Variants in PKHD1L1 observed in about 807,000 individuals in gnomAD.
PKHD1L1 encodes the protein fibrocystin-L.
In PKHD1L1, 434 loss-of-function variants were observed where a neutral mutation model predicts 462.9. That is an observed-to-expected ratio of 0.94 (90% CI 0.87 to 1.02). PKHD1L1 has a LOEUF of 1.02. Among genes scored for constraint, PKHD1L1 ranks in the 50% least tolerant of loss-of-function variants. PKHD1L1 has a pLI of 0.00. For synonymous variants in PKHD1L1, 1,781 were observed against 1,750.0 expected (o/e 1.02, Z -0.44); for missense variants, 5,202 against 5,096.1 (o/e 1.02, Z -0.63).
At chr8:109,399,600 T>C (rs1283349290) in intron 12 of PKHD1L1, among the ~76,000 whole-genome samples, 5 of 151,962 alleles carry the variant, frequency 3.3e-5, no homozygotes, top group Non-Finnish European at 7.4e-5. Flanking sequence ...TTGAGAGAAA[T>C]CTGAAAGCCA....
chr8:109,482,938 A>C, intron 56 of PKHD1L1, 49 bp from the exon 57 acceptor site: 1 of 1,129,794 alleles, frequency 8.9e-7, no homozygotes, highest in Non-Finnish European at 1.2e-6. Context: ...ACTAGCACCT[A>C]ACTCAGTACT....
Position 109,492,012 on chromosome 8 carries a change from A to G in PKHD1L1, c.10236+18A>G, listed in dbSNP as rs1373679241. ...CAATTGAGGTAGTGAAAACAAACTTATAATTATACTAATTTATAATTATAT... is the reference window on the plus strand; with the variant it reads ...CAATTGAGGTAGTGAAAACAAACTTGTAATTATACTAATTTATAATTATAT... On this transcript the variant is annotated intron_variant, in intron 62 of 77. Coordinates refer to ENST00000378402, the MANE Select transcript of PKHD1L1 (RefSeq NM_177531.6). 2 of 1,466,752 alleles carry G rather than the reference A, an allele frequency of 1.4e-6. No homozygotes were observed. Among genetic ancestry groups the G allele is most frequent in the South Asian group, 1.4e-5 (1 of 73,132 alleles). 90.9% of individuals were successfully genotyped at this position (1,466,752 alleles called of 1,614,324 possible). A position where few individuals can be genotyped will look rare whatever the true frequency, so the allele number is the denominator to read the frequency against.
rs114095253 is a variant in PKHD1L1 at position 109,508,035 on chromosome 8, T to A, written c.11228-62T>A. 1.7e-3 allele frequency: 2,531 copies of A among 1,512,868 alleles called. 47 individuals carry two copies. The African/African-American group carries it at 0.032, about 19-fold the overall frequency. The allele number at this position is 1,512,868 out of a possible 1,614,324, so 93.7% of individuals were successfully genotyped here. On this transcript the variant is annotated intron_variant, in intron 69 of 77. Transcript: ENST00000378402. The stretch of plus-strand genomic sequence containing the variant: ...CTAGCATAACAAGAAATAGATGTTA[T>A]AAGGATTTTTTTGCAAAGAGATTCT...
At chr8:109,511,364 T>G (rs1471506589) in intron 71 of PKHD1L1, among the ~76,000 whole-genome samples, 3 of 104,828 alleles carry the variant, frequency 2.9e-5, no homozygotes, top group African/African-American at 3.8e-5. Context: ...CCCACAACAG[T>G]CCCCAGAGTG....
chr8:109,498,851 G>T, intron 67 of PKHD1L1, 80 bp downstream of exon 67: 1 of 1,222,176 alleles, frequency 8.2e-7, no homozygotes. Context: ...ATGTTTCATT[G>T]TTAGTAAAAA....
At chr8:109,490,236 G>A (rs1428086539) in intron 60 of PKHD1L1, among the ~76,000 whole-genome samples, 181 bp downstream of exon 60, 1 of 151,616 alleles carries the variant, frequency 6.6e-6, no homozygotes, top group African/African-American at 2.4e-5. Context: ...CCCATATTGT[G>A]CGTTTATTTA....
Position 109,396,144 on chromosome 8 carries a change from C to T in PKHD1L1, c.922+7C>T. ...GTCAGAGTTCTAGTTGGAGGTATTT[C>T]TCATGGTTTTTGATATATTACTTTA... On this transcript the variant is annotated splice_region_variant and intron_variant, in intron 11 of 77. Coordinates refer to ENST00000378402, the MANE Select transcript of PKHD1L1 (RefSeq NM_177531.6). The T allele has an allele frequency of 6.3e-7, 1 of 1,589,152 alleles. No individual in the cohort carries two copies. Among genetic ancestry groups the T allele is most frequent in the Non-Finnish European group, 8.6e-7 (1 of 1,164,170 alleles).
intron 2 of PKHD1L1, among the ~76,000 whole-genome samples, chr8:109,368,591 G>T (rs1270405354): frequency 1.3e-5 from 2 of 152,086 alleles, no homozygotes; most frequent in Non-Finnish European, 2.9e-5. Flanking sequence ...CATCCATCAC[G>T]CTGTATCTTT....
chr8:109,416,518 G>A (rs923638763), intron 21 of PKHD1L1, among the ~76,000 whole-genome samples: 1 of 152,128 alleles, frequency 6.6e-6, no homozygotes, highest in Non-Finnish European at 1.5e-5. Context: ...TATTAGTATT[G>A]AAAAACATGT....
chr8:109,411,405 T>C (rs1813850172), intron 19 of PKHD1L1, among the ~76,000 whole-genome samples: 1 of 152,240 alleles, frequency 6.6e-6, no homozygotes, highest in South Asian at 2.1e-4. Context: ...TCTCTCATGA[T>C]ACTTTTCATG....
At chr8:109,430,265 T>A (rs935071926) in intron 27 of PKHD1L1, among the ~76,000 whole-genome samples, 21 of 152,220 alleles carry the variant, frequency 1.4e-4, no homozygotes, top group Non-Finnish European at 2.6e-4. Flanking sequence ...AAATCTTGCC[T>A]TTGAAGTAGA....
intron 23 of PKHD1L1, among the ~76,000 whole-genome samples, chr8:109,421,059 T>G (rs748459767): frequency 8.5e-5 from 13 of 152,068 alleles, no homozygotes; most frequent in Non-Finnish European, 1.6e-4. Flanking sequence ...ACACCATTTA[T>G]TTTTGCTTGT....
intron 21 of PKHD1L1, 102 bp downstream of exon 21, chr8:109,413,647 G>A (rs1813978164): frequency 1.1e-6 from 1 of 938,316 alleles, no homozygotes; most frequent in African/African-American, 1.7e-5. Flanking sequence ...TGGTCTGTTT[G>A]GGGAGATGAG....
chr8:109,365,037 G>A (rs1435090197), intron 2 of PKHD1L1, among the ~76,000 whole-genome samples: 1 of 152,198 alleles, frequency 6.6e-6, no homozygotes, highest in African/African-American at 2.4e-5. Flanking sequence ...ATATGTTAAT[G>A]AAAGAGGAAA....
In PKHD1L1 at chr8:109,385,570, C is replaced by G; in HGVS notation, c.509C>G (p.Thr170Ser). Residue 170 changes from threonine to serine, a missense_variant, in exon 6 of 78, where the codon ACT (threonine) becomes AGT (serine). Thr to Ser is a moderately conservative substitution (Grantham distance 58). Coordinates refer to ENST00000378402, the MANE Select transcript of PKHD1L1 (RefSeq NM_177531.6). ...TLITIQGRIF[T>S]DVYGSNIALS... The stretch of plus-strand genomic sequence containing the variant: ...ATAACAATCCAAGGCAGAATCTTCA[C>G]TGATGTCTATGGAAGTAATATTGCA... 2.5e-6 allele frequency: 4 copies of G among 1,605,786 alleles called. No homozygotes were observed. Among genetic ancestry groups the G allele is most frequent in the Middle Eastern group, 1.7e-4 (1 of 6,028 alleles).
chr8:109,455,725 A>G (rs1271673215), intron 45 of PKHD1L1, among the ~76,000 whole-genome samples: 5 of 152,196 alleles, frequency 3.3e-5, no homozygotes, highest in Non-Finnish European at 5.9e-5. Context: ...CTATTTAAAG[A>G]AAGCATGGTG....
chr8:109,482,433 A>C (rs1465863355), intron 56 of PKHD1L1, among the ~76,000 whole-genome samples: 1 of 151,784 alleles, frequency 6.6e-6, no homozygotes, highest in Non-Finnish European at 1.5e-5. Flanking sequence ...TTTTAAGGAC[A>C]CTAGAATTAG....
At chr8:109,398,298 G>T (rs1044548068) in intron 11 of PKHD1L1, among the ~76,000 whole-genome samples, 161 bp from the exon 12 acceptor site, 2 of 152,060 alleles carry the variant, frequency 1.3e-5, no homozygotes, top group Admixed American at 6.6e-5. Context: ...ATTATTATGT[G>T]AAAAGCTTTA....
chr8:109,409,988 A>T lies in PKHD1L1; in HGVS notation c.2085+10A>T, dbSNP rs765002998. The T allele has an allele frequency of 7.0e-7, 1 of 1,420,260 alleles. No homozygotes were observed. The highest frequency in any genetic ancestry group is 1.3e-5 in the South Asian group (1 of 78,056). The allele number at this position is 1,420,260 out of a possible 1,614,324, so 88.0% of individuals were successfully genotyped here. A position where few individuals can be genotyped will look rare whatever the true frequency, so the allele number is the denominator to read the frequency against. Reference sequence around the variant, plus strand: ...AACTGATTTTAATCTGGTATGAAATATTTAATGAACTGTGAAACTGACCTA... The same window carrying T: ...AACTGATTTTAATCTGGTATGAAATTTTTAATGAACTGTGAAACTGACCTA... On this transcript the variant is annotated intron_variant, in intron 19 of 77. Coordinates refer to ENST00000378402, the MANE Select transcript of PKHD1L1 (RefSeq NM_177531.6).
Sources: allele counts gnomAD v4.1 joint callset (sites outside exome capture counted in the v4.1 genomes callset), GRCh38; gene constraint gnomAD v4.1.1; transcripts MANE v1.5; gene names NCBI Gene and HGNC (gene_info 2026-07-23, HGNC 2026-07-21).